HPS3: variants seen among roughly 807,000 people sequenced by gnomAD.
The protein encoded by HPS3 is HPS3 biogenesis of lysosomal organelles complex 2 subunit 1.
HPS3 carries 79 observed loss-of-function variants against 110.9 expected under a neutral mutation model. The observed-to-expected ratio is 0.71, with a 90% confidence interval of 0.59 to 0.86. The LOEUF (loss-of-function observed/expected upper bound fraction) is 0.86. HPS3 is among the 40% of genes least tolerant of loss of function. The probability of loss-of-function intolerance (pLI) is 0.00; values close to 1 mark genes in which losing one functional copy is unlikely to be tolerated. For missense variants in HPS3, 1,197 were observed against 1,206.2 expected, an observed-to-expected ratio of 0.99 and a Z score of 0.11; for synonymous variants, 428 against 451.0, an observed-to-expected ratio of 0.95 and a Z score of 0.65.
rs2108160677 is a variant in HPS3 at position 149,158,686 on chromosome 3, A to G, written c.1712A>G (p.His571Arg). 6.2e-7 allele frequency: 1 copy of G among 1,613,276 alleles called. No homozygotes were observed. Among genetic ancestry groups the G allele is most frequent in the Non-Finnish European group, 8.5e-7 (1 of 1,179,422 alleles). Residue 571 changes from histidine (H) to arginine (R), a missense_variant, in exon 10 of 17, where the codon CAT becomes CGT. Transcript: ENST00000296051. ...CYSRLDSQHS[H>R]LTLPYYKMSG... ...TTTAGGCTTGACTCCCAGCATTCTC[A>G]TCTCACCTTGCCATACTATAAGATG... is the stretch of plus-strand genomic sequence containing the variant.
chr3:149,138,822 T>C (rs1722272061), intron 1 of HPS3, among the ~76,000 whole-genome samples: 1 of 152,186 alleles, frequency 6.6e-6, no homozygotes, highest in African/African-American at 2.4e-5. Context: ...GTCTAGGAAA[T>C]GTAAATTATA....
At chr3:149,150,722 A>C (rs1446176943) in intron 6 of HPS3, 42 bp downstream of exon 6, 2 of 1,441,642 alleles carry the variant, frequency 1.4e-6, no homozygotes, top group African/African-American at 1.4e-5. Context: ...TTAAGATCAC[A>C]AGGGAGCACA....
chr3:149,132,197 A>G (rs1244310915), intron 1 of HPS3, among the ~76,000 whole-genome samples: 3 of 152,354 alleles, frequency 2.0e-5, no homozygotes, highest in African/African-American at 7.2e-5. Flanking sequence ...GTGCTAAACA[A>G]CAGATTTTTT....
chr3:149,162,877 T>C lies in HPS3; in HGVS notation c.2480T>C (p.Leu827Pro), dbSNP rs148688043. 5 of 1,612,052 alleles carry C rather than the reference T, an allele frequency of 3.1e-6. No homozygotes were observed. The highest frequency in any genetic ancestry group is 4.2e-6 in the Non-Finnish European group (5 of 1,178,262). Residue 827 changes from leucine (L) to proline (P), a missense_variant and splice_region_variant, in exon 13 of 17, where the codon CTG (leucine) becomes CCG (proline). Coordinates refer to ENST00000296051, the MANE Select transcript of HPS3 (RefSeq NM_032383.5). ...ACACCATTGCGAACATCGGAGGATC[T>C]GGTAAGATAATGGAATAATACCTTA... The part of the protein sequence containing the change: ...DTTPLRTSED[L>P]INACSHYGLI...
At chr3:149,138,144 C>A (rs768477054) in intron 1 of HPS3, among the ~76,000 whole-genome samples, 7 of 152,070 alleles carry the variant, frequency 4.6e-5, no homozygotes, top group Non-Finnish European at 8.8e-5. Flanking sequence ...AGGGAAAGAA[C>A]AGGTTCAGGC....
At chr3:149,159,616 A>G (rs1371294440) in intron 10 of HPS3, among the ~76,000 whole-genome samples, 2 of 152,230 alleles carry the variant, frequency 1.3e-5, no homozygotes, top group African/African-American at 4.8e-5. Flanking sequence ...AGTTGGATGC[A>G]AATATGCCAC....
At chr3:149,137,125 C>T (rs548813459) in intron 1 of HPS3, among the ~76,000 whole-genome samples, 2 of 152,102 alleles carry the variant, frequency 1.3e-5, no homozygotes, top group African/African-American at 2.4e-5. Flanking sequence ...TACAACTCAA[C>T]AACAACCAAA....
chr3:149,162,252 G>T lies in HPS3; in HGVS notation c.2211G>T (p.Gln737His). ...TELALHLKET[Q>H]PGLLVASVLG... Reference sequence around the variant, plus strand: ...TTGCACTTCACTTGAAGGAAACTCAGCCTGGATTGCTTGTGGCTTCAGTTC... The same window carrying T: ...TTGCACTTCACTTGAAGGAAACTCATCCTGGATTGCTTGTGGCTTCAGTTC... The change falls in exon 12 of 17, where the codon CAG becomes CAT. Residue 737 changes from glutamine (Q) to histidine (H), a missense_variant. Physicochemically the swap from Gln to His is conservative, Grantham distance 24. Transcript: ENST00000296051. 1 of 1,614,048 alleles carries T rather than the reference G, an allele frequency of 6.2e-7. No individual in the cohort carries two copies. The highest frequency in any genetic ancestry group is 8.5e-7 in the Non-Finnish European group (1 of 1,179,968).
At chr3:149,141,946 G>T (rs536310114) in intron 4 of HPS3, among the ~76,000 whole-genome samples, 185 of 151,760 alleles carry the variant, frequency 1.2e-3, no homozygotes, top group African/African-American at 4.4e-3. Flanking sequence ...CACCTCCCGG[G>T]TTCAAGTGAT....
chr3:149,143,023 T>C (rs1722576703), intron 4 of HPS3, among the ~76,000 whole-genome samples: 1 of 151,998 alleles, frequency 6.6e-6, no homozygotes, highest in South Asian at 2.1e-4. Context: ...AGAGGGAGGA[T>C]CACATCTGAG....
intron 16 of HPS3, 131 bp downstream of exon 16, chr3:149,168,114 T>C (rs1323345998): frequency 6.0e-6 from 4 of 665,840 alleles, no homozygotes; most frequent in Non-Finnish European, 8.2e-6. Flanking sequence ...GGGGAGCTTA[T>C]TTTCAGCATT....
intron 11 of HPS3, among the ~76,000 whole-genome samples, chr3:149,161,408 A>G (rs1385829749): frequency 6.6e-6 from 1 of 151,860 alleles, no homozygotes; most frequent in Non-Finnish European, 1.5e-5. Flanking sequence ...AATACCTAAT[A>G]TAATGTCAAC....
intron 13 of HPS3, among the ~76,000 whole-genome samples, chr3:149,163,359 T>C (rs1724081620): frequency 6.6e-6 from 1 of 151,622 alleles, no homozygotes; most frequent in Non-Finnish European, 1.5e-5. Context: ...AACAACTCTT[T>C]CTACCCTTCT....
intron 9 of HPS3, among the ~76,000 whole-genome samples, chr3:149,158,362 T>C (rs532788331): frequency 1.3e-5 from 2 of 152,336 alleles, no homozygotes; most frequent in East Asian, 3.8e-4. Context: ...CTGCATTAAT[T>C]AGAAGTTTGT....
In HPS3 at chr3:149,133,304, A is replaced by AT. The variant is rs201865706; in HGVS notation, c.217+3368dup. Among the ~76,000 whole-genome samples the AT allele has an allele frequency of 6.1e-3, 926 of 151,610 alleles. 8 individuals are homozygous for AT. The highest frequency in any genetic ancestry group is 0.021 in the African/African-American group (873 of 41,270). On this transcript the variant is annotated intron_variant, in intron 1 of 16. Coordinates refer to ENST00000296051, the MANE Select transcript of HPS3 (RefSeq NM_032383.5). ...TTATTTTTTTATTTTATTTTATTTT[A>AT]TTTTATTTTTTTGAGACAGAGCTTC...
intron 14 of HPS3, chr3:149,165,800 T>A: frequency 3.2e-6 from 1 of 317,328 alleles, no homozygotes; most frequent in Non-Finnish European, 6.2e-6. Context: ...AGTCAAGAGT[T>A]AAATATAGAG....
intron 1 of HPS3, among the ~76,000 whole-genome samples, chr3:149,133,499 T>C (rs1443626410): frequency 6.6e-6 from 1 of 151,944 alleles, no homozygotes; most frequent in East Asian, 1.9e-4. Flanking sequence ...GGTTTCTCCA[T>C]GGTTGGTCAG....
intron 8 of HPS3, 63 bp from the exon 9 acceptor site, chr3:149,157,287 A>T: frequency 7.2e-7 from 1 of 1,386,226 alleles, no homozygotes; most frequent in Non-Finnish European, 1.0e-6. Context: ...AAATGTTTTT[A>T]AGAACTCAGG....
chr3:149,133,022 C>T (rs1300111382), intron 1 of HPS3, among the ~76,000 whole-genome samples: 1 of 152,168 alleles, frequency 6.6e-6, no homozygotes, highest in African/African-American at 2.4e-5. Context: ...TGAGGAGTTG[C>T]TTCTCATGGA....
Sources: allele counts gnomAD v4.1 joint callset (sites outside exome capture counted in the v4.1 genomes callset), GRCh38; gene constraint gnomAD v4.1.1; transcripts MANE v1.5; gene names NCBI Gene and HGNC (gene_info 2026-07-23, HGNC 2026-07-21).